The following CRB1 variants were observed in gnomAD, a reference collection of about 807,000 sequenced individuals.
CRB1 encodes crumbs cell polarity complex component 1, also known as protein crumbs homolog 1.
Under a neutral mutation model 120.0 loss-of-function variants are expected in CRB1, and 83 were observed. That is an observed-to-expected ratio of 0.69 (90% CI 0.58 to 0.83). The LOEUF is 0.83. Among genes scored for constraint, CRB1 ranks in the 40% least tolerant of loss-of-function variants. The pLI is 0.00. For missense variants in CRB1, 1,699 were observed against 1,687.6 expected (o/e 1.01, Z -0.12); for synonymous variants, 625 against 612.5 (o/e 1.02, Z -0.30).
intron 11 of CRB1, among the ~76,000 whole-genome samples, chr1:197,463,447 C>A (rs924976173): frequency 3.9e-5 from 6 of 152,110 alleles, no homozygotes; most frequent in Non-Finnish European, 8.8e-5. Flanking sequence ...TAGTAAGAGA[C>A]CTGAAATATA....
chr1:197,343,920 C>G lies in CRB1; in HGVS notation c.653-361C>G, dbSNP rs923725761. ...AGTCTGAGCTCTTACCCACTGTTCT[C>G]TCTGCTCCTTTACTAAATTAAGTGT... On this transcript the variant is annotated intron_variant, in intron 2 of 11. Transcript: ENST00000367400. Among the ~76,000 whole-genome samples the G allele has an allele frequency of 6.6e-5, 10 of 152,346 alleles. No homozygotes were observed. In the East Asian group the frequency reaches 1.9e-3, roughly 29 times the overall value.
chr1:197,440,519 A>G (rs1665381632), intron 10 of CRB1: 1 of 152,174 alleles, frequency 6.6e-6, no homozygotes, highest in Non-Finnish European at 1.5e-5. Flanking sequence ...AATTGACTAG[A>G]TGTTAATGGA....
At chr1:197,438,874 C>A in intron 10 of CRB1, 199 bp downstream of exon 10, 1 of 527,884 alleles carries the variant, frequency 1.9e-6, no homozygotes, top group Non-Finnish European at 3.3e-6. Flanking sequence ...TTTTATTAGA[C>A]AAAACTTCAA....
At chr1:197,226,417 T>G in the CRB1 span, among the ~76,000 whole-genome samples, 5 of 152,350 alleles carry the variant, frequency 3.3e-5, no homozygotes, top group South Asian at 8.3e-4. Flanking sequence ...ACTTTTAAAT[T>G]GTCAATTATT....
At chr1:197,418,787 T>C (rs937939016) in intron 5 of CRB1, among the ~76,000 whole-genome samples, 3 of 152,154 alleles carry the variant, frequency 2.0e-5, no homozygotes, top group Non-Finnish European at 4.4e-5. Context: ...CTATGCTATG[T>C]TTTAGACATA....
intron 11 of CRB1, among the ~76,000 whole-genome samples, chr1:197,468,843 C>G (rs1189673517): frequency 6.6e-6 from 1 of 152,080 alleles, no homozygotes; most frequent in East Asian, 1.9e-4. Flanking sequence ...TTGCAAAGTA[C>G]AGAGAAAGTT....
the CRB1 span, among the ~76,000 whole-genome samples, chr1:197,242,530 C>T: frequency 6.6e-6 from 1 of 152,118 alleles, no homozygotes; most frequent in Admixed American, 6.5e-5. Context: ...ATGAAGCCAA[C>T]TTGATTGTGG....
At chr1:197,317,374 C>T (rs764449777) in intron 1 of CRB1, among the ~76,000 whole-genome samples, 8 of 152,066 alleles carry the variant, frequency 5.3e-5, no homozygotes, top group Non-Finnish European at 7.4e-5. Context: ...ACCGAGATCA[C>T]GCCTTTGCAC....
chr1:197,252,219 C>T, the CRB1 span, among the ~76,000 whole-genome samples: 2 of 151,636 alleles, frequency 1.3e-5, no homozygotes, highest in Admixed American at 6.6e-5. Flanking sequence ...ACTTTATGGA[C>T]ACAGAAACTT....
At chr1:197,426,844 T>C (rs1179826112) in intron 6 of CRB1, among the ~76,000 whole-genome samples, 2 of 152,182 alleles carry the variant, frequency 1.3e-5, no homozygotes, top group African/African-American at 4.8e-5. Context: ...CCAATTTATG[T>C]TATTTACAGA....
chr1:197,455,221 G>T (rs886266992), intron 11 of CRB1, among the ~76,000 whole-genome samples: 6 of 152,110 alleles, frequency 3.9e-5, no homozygotes, highest in African/African-American at 1.4e-4. Context: ...TCTTTAAAAT[G>T]CCATTGACAT....
the CRB1 span, among the ~76,000 whole-genome samples, chr1:197,245,100 G>A: frequency 2.0e-5 from 3 of 151,562 alleles, no homozygotes; most frequent in Non-Finnish European, 4.4e-5. Context: ...TAGGGTACAT[G>A]TGCACAACGT....
At chr1:197,203,632 C>T in the CRB1 span, among the ~76,000 whole-genome samples, 1 of 152,078 alleles carries the variant, frequency 6.6e-6, no homozygotes, top group Non-Finnish European at 1.5e-5. Flanking sequence ...GCCTACTTGA[C>T]ATTTTAATAG....
chr1:197,353,810 TAAA>T (rs1558074907), intron 4 of CRB1, among the ~76,000 whole-genome samples: 46 of 64,500 alleles, frequency 7.1e-4, no homozygotes, highest in Non-Finnish European at 1.4e-3. Context: ...CAAAAATATA[TAAA>T]TAAAAAAAAA....
chr1:197,334,050 C>A (rs968816123), intron 2 of CRB1, among the ~76,000 whole-genome samples: 1 of 152,162 alleles, frequency 6.6e-6, no homozygotes, highest in African/African-American at 2.4e-5. Flanking sequence ...TGTTGGCATG[C>A]ATCAGACTCA....
chr1:197,271,719 A>G (rs1393893467), intron 1 of CRB1, among the ~76,000 whole-genome samples: 1 of 152,192 alleles, frequency 6.6e-6, no homozygotes, highest in African/African-American at 2.4e-5. Context: ...GTACTTTATA[A>G]TAAACTCTTT....
intron 8 of CRB1, among the ~76,000 whole-genome samples, chr1:197,429,831 C>A (rs1170955332): frequency 1.3e-5 from 2 of 152,184 alleles, no homozygotes; most frequent in Non-Finnish European, 2.9e-5. Flanking sequence ...CAACACTAAA[C>A]CTAGATGCTT....
At chr1:197,322,196 A>C (rs1031012091) in intron 1 of CRB1, among the ~76,000 whole-genome samples, 16 of 152,132 alleles carry the variant, frequency 1.1e-4, no homozygotes, top group Non-Finnish European at 2.4e-4. Flanking sequence ...TAGTTTTTAC[A>C]CTGGCCAGGT....
chr1:197,445,888 A>G (rs562843326), intron 11 of CRB1, among the ~76,000 whole-genome samples: 1 of 152,286 alleles, frequency 6.6e-6, no homozygotes, highest in East Asian at 1.9e-4. Flanking sequence ...AGCTGAAGTT[A>G]TGGTAAGGAA....
Sources: allele counts gnomAD v4.1 joint callset (sites outside exome capture counted in the v4.1 genomes callset), GRCh38; gene constraint gnomAD v4.1.1; transcripts MANE v1.5; gene names NCBI Gene and HGNC (gene_info 2026-07-23, HGNC 2026-07-21).